The following CALN1 variants were observed in gnomAD, a reference collection of about 807,000 sequenced individuals.
CALN1 encodes the protein calcium-binding protein 8.
Under a neutral mutation model 30.6 loss-of-function variants are expected in CALN1, and 17 were observed. That is an observed-to-expected ratio of 0.56 (90% CI 0.38 to 0.83). The LOEUF is 0.83. CALN1 is among the 40% of genes least tolerant of loss of function. The probability of loss-of-function intolerance (pLI) is 0.00; values close to 1 mark genes in which losing one functional copy is unlikely to be tolerated. For synonymous variants in CALN1, 156 were observed against 131.4 expected (o/e 1.19, Z -1.28); for missense variants, 291 against 354.9 (o/e 0.82, Z 1.45).
At chr7:72,269,114 G>C (rs1437992183) in intron 3 of CALN1, among the ~76,000 whole-genome samples, 2 of 152,152 alleles carry the variant, frequency 1.3e-5, no homozygotes, top group African/African-American at 2.4e-5. Flanking sequence ...GGAGAGAGAA[G>C]AACACTATGC....
chr7:72,074,135 T>C (rs1182748609), intron 4 of CALN1, among the ~76,000 whole-genome samples: 2 of 152,170 alleles, frequency 1.3e-5, no homozygotes, highest in Non-Finnish European at 2.9e-5. Context: ...ACAAAACTAC[T>C]GTATTAGTCT....
chr7:72,479,724 G>T, the CALN1 span, among the ~76,000 whole-genome samples: 5 of 151,800 alleles, frequency 3.3e-5, no homozygotes, highest in African/African-American at 1.2e-4. Context: ...GTTAATTTTT[G>T]TATTTTTGTA....
chr7:72,233,054 A>G (rs1410515587), intron 3 of CALN1, among the ~76,000 whole-genome samples: 1 of 152,120 alleles, frequency 6.6e-6, no homozygotes, highest in Non-Finnish European at 1.5e-5. Flanking sequence ...ACCTGTTTAA[A>G]AGCTTTGGCT....
At chr7:71,985,596 T>C (rs913954315) in intron 5 of CALN1, among the ~76,000 whole-genome samples, 7 of 147,122 alleles carry the variant, frequency 4.8e-5, no homozygotes, top group African/African-American at 1.8e-4. Context: ...TTTTTTTTTT[T>C]TTTTTTTTTT....
At chr7:71,803,662 A>G (rs1787435801) in intron 6 of CALN1, among the ~76,000 whole-genome samples, 1 of 151,916 alleles carries the variant, frequency 6.6e-6, no homozygotes, top group Admixed American at 6.6e-5. Flanking sequence ...TTTAGTAGAG[A>G]CAGGGTTTCG....
chr7:72,346,370 AT>A (rs1802640860), intron 2 of CALN1, among the ~76,000 whole-genome samples: 1 of 152,126 alleles, frequency 6.6e-6, no homozygotes, highest in Non-Finnish European at 1.5e-5. Flanking sequence ...TTTTAAAAAA[AT>A]ATTTATTTTC....
the CALN1 span, among the ~76,000 whole-genome samples, chr7:72,498,931 C>T: frequency 3.9e-5 from 6 of 151,988 alleles, no homozygotes; most frequent in Non-Finnish European, 7.4e-5. Flanking sequence ...GACTCATACA[C>T]AGACTCATAC....
intron 5 of CALN1, among the ~76,000 whole-genome samples, chr7:71,889,311 TTTTA>T (rs1278022420): frequency 2.0e-5 from 3 of 152,196 alleles, no homozygotes; most frequent in South Asian, 2.1e-4. Context: ...CTTGGGGCTC[TTTTA>T]TTTATTTATT....
At chr7:72,208,732 G>A (rs1030898487) in intron 3 of CALN1, among the ~76,000 whole-genome samples, 6 of 152,132 alleles carry the variant, frequency 3.9e-5, no homozygotes, top group African/African-American at 1.4e-4. Flanking sequence ...AGCCATGCTC[G>A]ATACACAGGA....
rs1288722387 is a variant in CALN1 at position 72,066,656 on chromosome 7, A to G, written c.388+39495T>C. ...GAGACAGGGTCTCTTTCTGTCAATC[A>G]GGCTGGAGTACAGTGGCGCCATCAC... On this transcript the variant is annotated intron_variant, in intron 4 of 6. Transcript: ENST00000395275. Among the ~76,000 whole-genome samples, 4 of 152,270 alleles carry G rather than the reference A, an allele frequency of 2.6e-5. No homozygotes were observed. The East Asian group carries it at 7.7e-4, about 29-fold the overall frequency.
intron 4 of CALN1, among the ~76,000 whole-genome samples, chr7:72,058,306 G>T (rs1262661585): frequency 9.0e-6 from 1 of 110,976 alleles, no homozygotes; most frequent in East Asian, 2.2e-4. Flanking sequence ...CAACAAGCTG[G>T]AATCTTTTTT....
At chr7:72,496,995 A>G in the CALN1 span, among the ~76,000 whole-genome samples, 1 of 152,218 alleles carries the variant, frequency 6.6e-6, no homozygotes, top group Non-Finnish European at 1.5e-5. Flanking sequence ...AGGAGCCACA[A>G]AATCCTTATG....
chr7:72,001,566 T>C (rs1189651251), intron 5 of CALN1, among the ~76,000 whole-genome samples: 2 of 152,162 alleles, frequency 1.3e-5, no homozygotes, highest in African/African-American at 4.8e-5. Flanking sequence ...TGCCAACATA[T>C]AAAACCCTAA....
the CALN1 span, among the ~76,000 whole-genome samples, chr7:72,502,229 G>A: frequency 2.0e-5 from 3 of 149,496 alleles, no homozygotes. Context: ...TGAATTGCTT[G>A]TGGGGCGGGG....
chr7:72,081,658 G>A (rs981882613), intron 4 of CALN1, among the ~76,000 whole-genome samples: 15 of 151,954 alleles, frequency 9.9e-5, no homozygotes, highest in African/African-American at 2.9e-4. Context: ...CTAGGCTCAC[G>A]TGATCCTCCT....
At chr7:72,438,664 A>C (rs1389022837) in intron 1 of CALN1, among the ~76,000 whole-genome samples, 7 of 152,036 alleles carry the variant, frequency 4.6e-5, no homozygotes. Flanking sequence ...TCACTCCAGG[A>C]ACCTGGCTGG....
chr7:72,231,682 A>T (rs773234652), intron 3 of CALN1, among the ~76,000 whole-genome samples: 10 of 152,228 alleles, frequency 6.6e-5, no homozygotes, highest in East Asian at 3.9e-4. Flanking sequence ...AAACTTTCTC[A>T]TACGTAGGTA....
the CALN1 span, among the ~76,000 whole-genome samples, chr7:72,486,979 G>A: frequency 1.1e-4 from 16 of 152,106 alleles, no homozygotes; most frequent in Non-Finnish European, 2.4e-4. Context: ...CCACATTCAC[G>A]GGAGTATTCT....
intron 4 of CALN1, among the ~76,000 whole-genome samples, chr7:72,064,531 C>T (rs1054767434): frequency 1.3e-5 from 2 of 152,040 alleles, no homozygotes; most frequent in African/African-American, 4.8e-5. Flanking sequence ...GTTTTGTAGC[C>T]AGCAAATCCT....
Sources: allele counts gnomAD v4.1 joint callset (sites outside exome capture counted in the v4.1 genomes callset), GRCh38; gene constraint gnomAD v4.1.1; transcripts MANE v1.5; gene names NCBI Gene and HGNC (gene_info 2026-07-23, HGNC 2026-07-21).